EVI5: variants seen among roughly 807,000 people sequenced by gnomAD.
The protein encoded by EVI5 is ecotropic viral integration site 5 protein homolog.
Under a neutral mutation model 112.0 loss-of-function variants are expected in EVI5, and 73 were observed. That is an observed-to-expected ratio of 0.65 (90% CI 0.54 to 0.79). The LOEUF is 0.79. EVI5 is among the 30% of genes least tolerant of loss of function. EVI5 has a pLI of 0.00. For synonymous variants in EVI5, 305 were observed against 319.9 expected, an observed-to-expected ratio of 0.95 and a Z score of 0.50; for missense variants, 900 against 968.8, an observed-to-expected ratio of 0.93 and a Z score of 0.94.
chr1:92,689,430 A>G (rs1254927171), intron 9 of EVI5, among the ~76,000 whole-genome samples: 1 of 152,140 alleles, frequency 6.6e-6, no homozygotes. Flanking sequence ...TGGCACAATC[A>G]TGGATCACTG....
intron 19 of EVI5, among the ~76,000 whole-genome samples, chr1:92,535,607 A>G (rs920115976): frequency 6.6e-6 from 1 of 152,244 alleles, no homozygotes; most frequent in Non-Finnish European, 1.5e-5. Flanking sequence ...TGTCCTTTGC[A>G]GGGATATGGA....
Position 92,610,002 on chromosome 1 carries a change from C to T in EVI5, c.1828-2275G>A, listed in dbSNP as rs566601226. On this transcript the variant is annotated intron_variant, in intron 16 of 19. Transcript: ENST00000684568. ...CCAGGCTCAAGCTATCCTCCCACCT[C>T]GGTCTCCTGAATAGCTGGGACCACA... 9.2e-5 allele frequency among the ~76,000 whole-genome samples: 14 copies of T among 152,226 alleles called. No individual in the cohort carries two copies. In the South Asian group the frequency reaches 2.3e-3, roughly 25 times the overall value.
At chr1:92,566,324 T>C (rs1030672437) in intron 18 of EVI5, among the ~76,000 whole-genome samples, 10 of 152,206 alleles carry the variant, frequency 6.6e-5, no homozygotes, top group African/African-American at 2.4e-4. Flanking sequence ...TTTTGGTCAA[T>C]GACGGAATGA....
At chr1:92,717,140 CAA>C (rs1337035582) in intron 2 of EVI5, among the ~76,000 whole-genome samples, 1 of 152,260 alleles carries the variant, frequency 6.6e-6, no homozygotes, top group East Asian at 1.9e-4. Flanking sequence ...GATGCATACA[CAA>C]GTTTCAATAG....
At chr1:92,719,823 T>C (rs905175589) in intron 2 of EVI5, among the ~76,000 whole-genome samples, 2 of 152,040 alleles carry the variant, frequency 1.3e-5, no homozygotes, top group African/African-American at 4.8e-5. Flanking sequence ...AAAATCTCCT[T>C]AAGCTGATAA....
At position 92,697,865 on chromosome 1, in the gene EVI5, T is replaced by A. The variant is rs764939313; in HGVS notation, c.760A>T (p.Ile254Leu). 3 of 1,612,462 alleles carry A rather than the reference T, an allele frequency of 1.9e-6. No homozygotes were observed. Among genetic ancestry groups the A allele is most frequent in the Non-Finnish European group, 2.5e-6 (3 of 1,178,948 alleles). ...GLCMYQFECM[I>L]QEHLPELFVH... ...TATCAACACTGCACTTTTACCTGTA[T>A]CATACATTCAAACTGGTACATACAA... The change falls in exon 6 of 20, where the codon ATA becomes TTA. Residue 254 changes from isoleucine (I) to leucine (L), a missense_variant. Ile to Leu is a conservative substitution (Grantham distance 5, BLOSUM62 2). Transcript: ENST00000684568.
chr1:92,651,082 T>A (rs1229013240), intron 13 of EVI5, among the ~76,000 whole-genome samples: 1 of 152,218 alleles, frequency 6.6e-6, no homozygotes, highest in Admixed American at 6.5e-5. Flanking sequence ...ATCTGTTTAA[T>A]GTGTCTCCCC....
intron 16 of EVI5, among the ~76,000 whole-genome samples, chr1:92,617,180 C>T (rs1453904117): frequency 6.6e-6 from 1 of 152,188 alleles, no homozygotes; most frequent in South Asian, 2.1e-4. Context: ...CCCTGAAGGA[C>T]AGCGGTGAAG....
At chr1:92,573,625 C>CAA (rs1670624885) in intron 18 of EVI5, among the ~76,000 whole-genome samples, 2 of 152,038 alleles carry the variant, frequency 1.3e-5, no homozygotes, top group South Asian at 4.1e-4. Flanking sequence ...GGAAAACTGT[C>CAA]AAGGGTCCTT....
At chr1:92,600,034 G>A (rs1254318854) in intron 18 of EVI5, among the ~76,000 whole-genome samples, 1 of 152,168 alleles carries the variant, frequency 6.6e-6, no homozygotes, top group Non-Finnish European at 1.5e-5. Flanking sequence ...AACAGTTCAG[G>A]TAAGGGGTAA....
At position 92,746,713 on chromosome 1, in the gene EVI5, C is replaced by T. The variant is rs138669552; in HGVS notation, c.-81-10086G>A. ...TTCAAGATCAGCCTGGGCAATAGAG[C>T]GAGACCCTGTCTCTACAAAAAATTA... On this transcript the variant is annotated intron_variant, in intron 1 of 19. Coordinates refer to ENST00000684568, the MANE Select transcript of EVI5 (RefSeq NM_001350197.2). Among the ~76,000 whole-genome samples, 54 of 152,066 alleles carry T rather than the reference C, an allele frequency of 3.6e-4. 1 individual carries two copies. In the East Asian group the frequency reaches 9.7e-3, roughly 27 times the overall value.
At chr1:92,664,301 T>C (rs538026149) in intron 11 of EVI5, among the ~76,000 whole-genome samples, 59 of 152,302 alleles carry the variant, frequency 3.9e-4, no homozygotes, top group Admixed American at 1.4e-3. Flanking sequence ...AATTGATACA[T>C]AGTATTTATA....
At chr1:92,670,082 G>C (rs71650502) in intron 10 of EVI5, among the ~76,000 whole-genome samples, 15,486 of 152,074 alleles carry the variant, frequency 0.1, 861 homozygotes, top group Admixed American at 0.13. Flanking sequence ...ACATTCTTTA[G>C]GAAATTTACG....
At chr1:92,708,072 A>G (rs1465320500) in intron 2 of EVI5, among the ~76,000 whole-genome samples, 6 of 152,232 alleles carry the variant, frequency 3.9e-5, no homozygotes, top group African/African-American at 1.4e-4. Context: ...ACAGGAATAA[A>G]TCTTCATGAC....
chr1:92,630,097 T>C (rs1656647051), intron 14 of EVI5, among the ~76,000 whole-genome samples: 1 of 152,222 alleles, frequency 6.6e-6, no homozygotes, highest in African/African-American at 2.4e-5. Context: ...TTCCAAGTCT[T>C]TGCTATTGTG....
At chr1:92,637,980 A>G (rs1659222162) in intron 13 of EVI5, among the ~76,000 whole-genome samples, 1 of 152,208 alleles carries the variant, frequency 6.6e-6, no homozygotes, top group East Asian at 1.9e-4. Flanking sequence ...CCTTTTATCA[A>G]TTAGGAAAAA....
intron 19 of EVI5, among the ~76,000 whole-genome samples, chr1:92,514,524 T>G (rs1258548444): frequency 1.3e-5 from 2 of 152,140 alleles, no homozygotes; most frequent in African/African-American, 4.8e-5. Flanking sequence ...CTTTTCTCAT[T>G]CTACAGATTA....
rs1570871931 is a variant in EVI5, at chr1:92,768,338, A to G, written c.-82+16498T>C. Among the ~76,000 whole-genome samples, 4 of 152,246 alleles carry G rather than the reference A, an allele frequency of 2.6e-5. No individual in the cohort carries two copies. In the South Asian group the frequency reaches 8.3e-4, roughly 32 times the overall value. The stretch of plus-strand genomic sequence containing the variant: ...TTCAGAAGACGCCAAAAAAGCATTT[A>G]GGACTGCAAGAGGTTTTTTTAAATC... On this transcript the variant is annotated intron_variant, in intron 1 of 19. Coordinates refer to ENST00000684568, the MANE Select transcript of EVI5 (RefSeq NM_001350197.2).
rs60855054 is a variant in EVI5, at chr1:92,535,972, A to G, written c.2167-22002T>C. Among the ~76,000 whole-genome samples the G allele has an allele frequency of 3.1e-3, 476 of 152,292 alleles. 5 individuals are homozygous for G. Among genetic ancestry groups the G allele is most frequent in the African/African-American group, 0.011 (452 of 41,544 alleles). On this transcript the variant is annotated intron_variant, in intron 19 of 19. Coordinates refer to ENST00000684568, the MANE Select transcript of EVI5 (RefSeq NM_001350197.2). ...CCACCCTTTTAAATGCTGAAGGAGA[A>G]CATTAATAAGCAGACAGATGGGAGT...
Sources: allele counts gnomAD v4.1 joint callset (sites outside exome capture counted in the v4.1 genomes callset), GRCh38; gene constraint gnomAD v4.1.1; transcripts MANE v1.5; gene names NCBI Gene and HGNC (gene_info 2026-07-23, HGNC 2026-07-21).